Variants in BCAS3 observed in about 807,000 individuals in gnomAD.
The protein encoded by BCAS3 is BCAS3 microtubule associated cell migration factor.
A neutral mutation model predicts 116.1 loss-of-function variants in BCAS3; 53 were observed. The observed-to-expected ratio is 0.46, with a 90% CI of 0.37 to 0.57. The LOEUF is 0.57. BCAS3 is among the 20% of genes least tolerant of loss of function. The pLI is 0.00. For synonymous variants in BCAS3, 391 were observed against 408.2 expected (o/e 0.96, Z 0.51); for missense variants, 917 against 1,165.4 (o/e 0.79, Z 3.10).
In BCAS3 at chr17:60,931,793, C is replaced by T. The variant is rs1418139645; in HGVS notation, c.1087+7293C>T. ...TAATGATATCTAAAATAATACCTGG[C>T]CAGGTGCACTGGCTCACACCTTTAA... On this transcript the variant is annotated intron_variant, in intron 13 of 23. Transcript: ENST00000407086. 2.0e-5 allele frequency among the ~76,000 whole-genome samples: 3 copies of T among 152,152 alleles called. No homozygotes were observed. The East Asian group carries it at 5.8e-4, about 29-fold the overall frequency.
rs768856865 is a variant in BCAS3, at chr17:61,008,061, C to T, written c.1487-7690C>T. ...GTGTCGACACACACACACACACACA[C>T]ACATAAAATTCATTTTCTTTTAGTG... On this transcript the variant is annotated intron_variant, in intron 15 of 23. Transcript: ENST00000407086. The surrounding 1 kb of genome is among the most constrained non-coding windows in gnomAD (Gnocchi z 4.6). Among the ~76,000 whole-genome samples, 1 of 152,070 alleles carries T rather than the reference C, an allele frequency of 6.6e-6. No individual in the cohort carries two copies. The highest frequency in any genetic ancestry group is 1.9e-4 in the East Asian group (1 of 5,190).
intron 5 of BCAS3, among the ~76,000 whole-genome samples, chr17:60,719,672 G>A (rs1292102770): frequency 6.6e-6 from 1 of 152,204 alleles, no homozygotes; most frequent in Non-Finnish European, 1.5e-5. Flanking sequence ...GACTCGTTGA[G>A]AATCTTTTGG....
At chr17:60,774,354 T>C (rs1356888975) in intron 6 of BCAS3, among the ~76,000 whole-genome samples, 1 of 152,260 alleles carries the variant, frequency 6.6e-6, no homozygotes, top group Admixed American at 6.5e-5. Context: ...CCTGGAGACA[T>C]GTTCACTTTC....
intron 13 of BCAS3, among the ~76,000 whole-genome samples, chr17:60,925,263 T>C (rs1282166432): frequency 6.6e-6 from 1 of 152,156 alleles, no homozygotes; most frequent in Non-Finnish European, 1.5e-5. Context: ...TATCTATCTG[T>C]TTAACTGGAA....
intron 15 of BCAS3, among the ~76,000 whole-genome samples, chr17:60,999,467 CGAGCTGAATGTTGCAGT>C (rs1007476395): frequency 9.4e-5 from 14 of 148,970 alleles, no homozygotes; most frequent in Admixed American, 2.0e-4. Flanking sequence ...CCTGAACCCG[CGAGCTGAATGTTGCAGT>C]GAGCTGAATG....
At chr17:61,137,919 T>C (rs1007226906) in intron 22 of BCAS3, among the ~76,000 whole-genome samples, 1 of 152,242 alleles carries the variant, frequency 6.6e-6, no homozygotes, top group Non-Finnish European at 1.5e-5. Context: ...ACTGTTTTCT[T>C]CCATATCTTT....
At chr17:60,805,503 G>C (rs1272674932) in intron 6 of BCAS3, among the ~76,000 whole-genome samples, 1 of 152,152 alleles carries the variant, frequency 6.6e-6, no homozygotes, top group Non-Finnish European at 1.5e-5. Flanking sequence ...ATTTACATGT[G>C]CATGTGTGTC....
At chr17:61,221,026 G>T (rs2082079575) in intron 22 of BCAS3, among the ~76,000 whole-genome samples, 1 of 152,164 alleles carries the variant, frequency 6.6e-6, no homozygotes, top group Non-Finnish European at 1.5e-5. Flanking sequence ...CATGAACCCG[G>T]GAGGCAGAGC....
At chr17:60,988,215 G>A (rs557991332) in intron 14 of BCAS3, among the ~76,000 whole-genome samples, 1 of 150,484 alleles carries the variant, frequency 6.6e-6, no homozygotes, top group African/African-American at 2.4e-5. Context: ...GTTGAATTTG[G>A]TTTACTAGTA....
At chr17:61,177,463 C>T (rs1051502978) in intron 22 of BCAS3, among the ~76,000 whole-genome samples, 1 of 152,148 alleles carries the variant, frequency 6.6e-6, no homozygotes, top group South Asian at 2.1e-4. Flanking sequence ...ACATACTGTA[C>T]GGCTTCATTT....
chr17:61,057,883 T>A (rs1335361329), intron 19 of BCAS3, among the ~76,000 whole-genome samples: 1 of 152,084 alleles, frequency 6.6e-6, no homozygotes, highest in African/African-American at 2.4e-5. Context: ...AATGTATATA[T>A]GATTTTAGTT....
intron 19 of BCAS3, among the ~76,000 whole-genome samples, chr17:61,044,574 T>C (rs938466776): frequency 7.9e-5 from 12 of 151,458 alleles, no homozygotes; most frequent in Admixed American, 2.0e-4. Context: ...CATGAACTTA[T>C]CAATGATGTT....
Position 61,063,387 on chromosome 17 carries a change from A to G in BCAS3, c.2030-11533A>G, listed in dbSNP as rs1378580670. 6.6e-6 allele frequency among the ~76,000 whole-genome samples: 1 copy of G among 151,906 alleles called. No individual in the cohort carries two copies. The highest frequency in any genetic ancestry group is 2.4e-5 in the African/African-American group (1 of 41,382). On this transcript the variant is annotated intron_variant, in intron 19 of 23. Transcript: ENST00000407086. The surrounding 1 kb of genome is among the most constrained non-coding windows in gnomAD (Gnocchi z 5.3). ...TGGGTTCAAGCGATTCTCACGCCTC[A>G]GCCTCCCGAGTAGCTGGGACTACAG...
chr17:61,195,329 C>T (rs932089207), intron 22 of BCAS3, among the ~76,000 whole-genome samples: 9 of 152,130 alleles, frequency 5.9e-5, no homozygotes, highest in Admixed American at 6.6e-5. Context: ...CCACCAAACA[C>T]TGTGCATCTC....
intron 10 of BCAS3, among the ~76,000 whole-genome samples, chr17:60,899,707 A>G (rs2057752692): frequency 6.6e-6 from 1 of 151,892 alleles, no homozygotes; most frequent in Non-Finnish European, 1.5e-5. Context: ...CATGTTGACC[A>G]AGCTGGTCTC....
rs956964273 is a variant in BCAS3 at position 61,281,115 on chromosome 17, A to G, written c.2426-87212A>G. Reference sequence around the variant, plus strand: ...CCTTTTTTCTTTGCATCGAAAAAATACACTACTATGCACACTCTTTCCATA... The same window carrying G: ...CCTTTTTTCTTTGCATCGAAAAAATGCACTACTATGCACACTCTTTCCATA... On this transcript the variant is annotated intron_variant, in intron 22 of 23. Coordinates refer to ENST00000407086, the MANE Select transcript of BCAS3 (RefSeq NM_017679.5). The surrounding 1 kb of genome is among the most constrained non-coding windows in gnomAD (Gnocchi z 4.2). Among the ~76,000 whole-genome samples the G allele has an allele frequency of 6.6e-6, 1 of 152,176 alleles. No individual in the cohort carries two copies. The highest frequency in any genetic ancestry group is 2.4e-5 in the African/African-American group (1 of 41,464).
At chr17:61,192,074 A>G (rs1296568224) in intron 22 of BCAS3, among the ~76,000 whole-genome samples, 1 of 151,698 alleles carries the variant, frequency 6.6e-6, no homozygotes, top group Non-Finnish European at 1.5e-5. Flanking sequence ...GTGAAACCCT[A>G]TCTCTACTAA....
At chr17:60,816,284 T>C (rs1017114713) in intron 7 of BCAS3, among the ~76,000 whole-genome samples, 6 of 150,348 alleles carry the variant, frequency 4.0e-5, no homozygotes, top group African/African-American at 7.4e-5. Flanking sequence ...CTTTTCTTTT[T>C]TTTTTTTTTG....
At chr17:60,725,500 C>A (rs77265194) in intron 5 of BCAS3, among the ~76,000 whole-genome samples, 4,898 of 152,176 alleles carry the variant, frequency 0.032, 250 homozygotes, top group African/African-American at 0.11. Flanking sequence ...TGTCTTGAGG[C>A]GATAATTTCC....
Sources: gnomAD v4.1 joint callset for allele counts (sites outside exome capture counted in the v4.1 genomes callset) on GRCh38, gnomAD v4.1.1 for gene constraint, Gnocchi (gnomAD v3.1) non-coding constraint, MANE v1.5 for transcripts, NCBI Gene and HGNC (gene_info 2026-07-23, HGNC 2026-07-21) for gene names.